LFNG: variants seen among roughly 807,000 people sequenced by gnomAD.
LFNG encodes beta-1,3-N-acetylglucosaminyltransferase lunatic fringe.
In LFNG, 15 loss-of-function variants were observed where a neutral mutation model predicts 32.7. The ratio of observed to expected loss-of-function variants is 0.46; its 90% CI spans 0.31 to 0.71. LFNG has a LOEUF of 0.71. Among genes scored for constraint, LFNG ranks in the 30% least tolerant of loss-of-function variants. The pLI, the probability that LFNG is intolerant of heterozygous loss-of-function variation, is 0.06. For synonymous variants in LFNG, 274 were observed against 246.8 expected (o/e 1.11, Z -1.03); for missense variants, 520 against 545.7 (o/e 0.95, Z 0.47).
At position 2,526,238 on chromosome 7, in the gene LFNG, C is replaced by A. The variant is rs781158080; in HGVS notation, c.822-6C>A. 8 of 1,612,628 alleles carry A rather than the reference C, an allele frequency of 5.0e-6. No homozygotes were observed. Among genetic ancestry groups the A allele is most frequent in the Admixed American group, 1.7e-5 (1 of 60,006 alleles). On this transcript the variant is annotated splice_polypyrimidine_tract_variant and splice_region_variant and intron_variant, in intron 5 of 7. Transcript: ENST00000222725. This position sits in a 1 kb window ranked among gnomAD's most constrained non-coding sequence, Gnocchi z 6.9. ...GCTCACTGGTCTGGGCCCTTCCCTC[C>A]CGCAGCGGGGGTCACTTCATGAATA... is the stretch of plus-strand genomic sequence containing the variant.
chr7:2,516,125 C>T (rs1779621526), upstream of LFNG, among the ~76,000 whole-genome samples: 1 of 152,242 alleles, frequency 6.6e-6, no homozygotes, highest in African/African-American at 2.4e-5. Context: ...ATTCCTGCGT[C>T]TGTGTCAGGA....
At chr7:2,524,223 T>G (rs2128376661) in intron 1 of LFNG, among the ~76,000 whole-genome samples, 1 of 152,282 alleles carries the variant, frequency 6.6e-6, no homozygotes, top group East Asian at 1.9e-4. Context: ...GAGACTTGGC[T>G]TCCCACAGCC....
chr7:2,518,471 A>C, upstream of LFNG: 1 of 832,778 alleles, frequency 1.2e-6, no homozygotes, highest in Non-Finnish European at 2.1e-6. Context: ...GCGGGGGGAG[A>C]GGGTCTGACA....
At chr7:2,522,572 G>GGCCCCC (rs1443170290) in intron 1 of LFNG, among the ~76,000 whole-genome samples, 19 of 151,600 alleles carry the variant, frequency 1.3e-4, no homozygotes, top group South Asian at 2.1e-4. Flanking sequence ...GGTGTCCCCC[G>GGCCCCC]GCCCCCGCCC....
chr7:2,513,428 AG>A (rs1562547914), upstream of LFNG: 3 of 1,313,168 alleles, frequency 2.3e-6, no homozygotes, highest in African/African-American at 1.5e-5. Context: ...GATCCTTTCA[AG>A]GGGGAAAGAT....
Position 2,520,173 on chromosome 7 carries a change from C to T in LFNG, c.312C>T (p.Arg104=), listed in dbSNP as rs552455490. Reference sequence around the variant, plus strand: ...CCCGCCCCGCCGACGGCCACCCGCGCCCCCTGGCCGAGCCGCTCGCGCCCC... The same window carrying T: ...CCCGCCCCGCCGACGGCCACCCGCGTCCCCTGGCCGAGCCGCTCGCGCCCC... ...AAPRPADGHP[R]PLAEPLAPRD... The change falls in exon 1 of 8, where the codon CGC becomes CGT. Residue 104 remains arginine (R), a synonymous_variant. Coordinates refer to ENST00000222725, the MANE Select transcript of LFNG (RefSeq NM_001040167.2). This position sits in a 1 kb window ranked among gnomAD's most constrained non-coding sequence, Gnocchi z 5.0. 145 of 1,551,648 alleles carry T rather than the reference C, an allele frequency of 9.3e-5. No homozygotes were observed. The African/African-American group carries it at 1.8e-3, about 19-fold the overall frequency.
chr7:2,520,394 T>G lies in LFNG; in HGVS notation c.432+101T>G. 3 of 1,100,734 alleles carry G rather than the reference T, an allele frequency of 2.7e-6. No individual in the cohort carries two copies. The highest frequency in any genetic ancestry group is 3.9e-6 in the Non-Finnish European group (3 of 770,830). 68.2% of individuals were successfully genotyped at this position (1,100,734 alleles called of 1,614,324 possible). On this transcript the variant is annotated intron_variant, in intron 1 of 7. Transcript: ENST00000222725. This position sits in a 1 kb window ranked among gnomAD's most constrained non-coding sequence, Gnocchi z 5.0. Reference sequence around the variant, plus strand: ...CCATGGGAGTCAGGCTGCATCCCCATCCAGCCACTAGGGCCATCTGTGGGC... The same window carrying G: ...CCATGGGAGTCAGGCTGCATCCCCAGCCAGCCACTAGGGCCATCTGTGGGC...
chr7:2,525,656 G>C, intron 4 of LFNG, 29 bp from the exon 5 acceptor site: 1 of 1,612,612 alleles, frequency 6.2e-7, no homozygotes, highest in Non-Finnish European at 8.5e-7. Context: ...CAGCGCCTGG[G>C]TCTCAGGACA....
Position 2,524,746 on chromosome 7 carries a change from G to A in LFNG, c.481+3G>A, listed in dbSNP as rs141008352. ...TGAGGCCCTGGCCAGGCACACGGGT[G>A]AGCCCTGGACTTGGGGCGGGAGGGG... On this transcript the variant is annotated splice_donor_region_variant and intron_variant, in intron 2 of 7. Coordinates refer to ENST00000222725, the MANE Select transcript of LFNG (RefSeq NM_001040167.2). The A allele has an allele frequency of 6.2e-4, 987 of 1,585,924 alleles. 8 individuals are homozygous for A. In the African/African-American group the frequency reaches 0.012, roughly 19 times the overall value.
chr7:2,514,854 T>TCATCTGTCCATCCATCCATCCATC (rs1779580692), upstream of LFNG, among the ~76,000 whole-genome samples: 1 of 72,500 alleles, frequency 1.4e-5, no homozygotes, highest in Non-Finnish European at 3.1e-5. Flanking sequence ...ATCCATCCAT[T>TCATCTGTCCATCCATCCATCCATC]CATCTGTCTA....
chr7:2,517,967 G>C (rs1013221403), upstream of LFNG: 2 of 1,104,376 alleles, frequency 1.8e-6, no homozygotes, highest in African/African-American at 3.3e-5. Flanking sequence ...TGGGTGGGAT[G>C]GGGGTGGAGG....
chr7:2,520,207 T>C lies in LFNG; in HGVS notation c.346T>C (p.Phe116Leu). The change falls in exon 1 of 8, where the codon TTC becomes CTC. Residue 116 changes from phenylalanine to leucine, a missense_variant. This residue lies in a region of LFNG where 360 missense variants were observed against 354.7 expected (regional missense o/e 1.01). Transcript: ENST00000222725. This position sits in a 1 kb window ranked among gnomAD's most constrained non-coding sequence, Gnocchi z 5.0. ...CGAGCCGCTCGCGCCCCGAGACGTC[T>C]TCATCGCTGTCAAGACCACCAAAAA... ...LAEPLAPRDV[F>L]IAVKTTKKFH... is the part of the protein sequence containing the mutation. 1 of 1,602,256 alleles carries C rather than the reference T, an allele frequency of 6.2e-7. No individual in the cohort carries two copies. The highest frequency in any genetic ancestry group is 8.5e-7 in the Non-Finnish European group (1 of 1,175,360).
chr7:2,528,414 G>A lies in LFNG; in HGVS notation c.*1202G>A. 1.0e-6 allele frequency: 1 copy of A among 988,978 alleles called. No individual in the cohort carries two copies. The highest frequency in any genetic ancestry group is 1.2e-6 in the Non-Finnish European group (1 of 831,726). The allele number at this position is 988,978 out of a possible 1,614,324, so 61.3% of individuals were successfully genotyped here. A position where few individuals can be genotyped will look rare whatever the true frequency, so the allele number is the denominator to read the frequency against. ...TGACGTCCTTTTGCTGTGAATAAAG[G>A]TGCTCTTTGCAGCAATCCTGGGGGT... On this transcript the variant is annotated 3_prime_UTR_variant, in exon 8 of 8. Transcript: ENST00000222725.
chr7:2,515,436 AG>A (rs1779606295), upstream of LFNG, among the ~76,000 whole-genome samples: 1 of 152,148 alleles, frequency 6.6e-6, no homozygotes, highest in South Asian at 2.1e-4. Flanking sequence ...GGATGGGGGT[AG>A]CAGAGGGGGA....
At chr7:2,529,163 T>C, downstream of LFNG, 1 of 298,444 alleles carries the variant, frequency 3.4e-6, no homozygotes, top group Non-Finnish European at 6.2e-6. This position sits in a 1 kb window ranked among gnomAD's most constrained non-coding sequence, Gnocchi z 4.2. Context: ...TCTGCGGTGC[T>C]TTTCCTTCCT....
chr7:2,528,248 T>C lies in LFNG; in HGVS notation c.*1036T>C, dbSNP rs1447993479. ...CATCCCTGCCCTCCTCCTGTGTAGC[T>C]GCCACCTCCCCGCTGGGCCCAGCAT... On this transcript the variant is annotated 3_prime_UTR_variant, in exon 8 of 8. Transcript: ENST00000222725. The C allele has an allele frequency of 4.1e-6, 4 of 985,956 alleles. No homozygotes were observed. The African/African-American group carries it at 7.0e-5, about 17-fold the overall frequency. The allele number at this position is 985,956 out of a possible 1,614,324, so 61.1% of individuals were successfully genotyped here. A position where few individuals can be genotyped will look rare whatever the true frequency, so the allele number is the denominator to read the frequency against.
intron 1 of LFNG, among the ~76,000 whole-genome samples, chr7:2,522,971 C>CAGTTCG (rs1053981110): frequency 3.9e-5 from 6 of 152,198 alleles, no homozygotes; most frequent in African/African-American, 1.4e-4. Context: ...TGTCGGGAGA[C>CAGTTCG]AGTTCGACCG....
At chr7:2,519,555 C>G (rs574070614), upstream of LFNG, among the ~76,000 whole-genome samples, 168 of 151,190 alleles carry the variant, frequency 1.1e-3, 2 homozygotes, top group African/African-American at 3.8e-3. Context: ...CAGGGGCTAC[C>G]CGGGGCGGGG....
chr7:2,520,101 G>A lies in LFNG; in HGVS notation c.240G>A (p.Leu80=). 7.4e-7 allele frequency: 1 copy of A among 1,342,454 alleles called. No individual in the cohort carries two copies. The highest frequency in any genetic ancestry group is 1.8e-5 in the South Asian group (1 of 56,696). The allele number at this position is 1,342,454 out of a possible 1,614,324, so 83.2% of individuals were successfully genotyped here. The change falls in exon 1 of 8, where the codon CTG becomes CTA. Residue 80 remains leucine, a synonymous_variant. Coordinates refer to ENST00000222725, the MANE Select transcript of LFNG (RefSeq NM_001040167.2). This position sits in a 1 kb window ranked among gnomAD's most constrained non-coding sequence, Gnocchi z 5.0. ...ACAGTCTGTCCGAGTACTTCAGCCTGCTCACCCGCGCGCGCAGAGATGCGG... is the reference window on the plus strand; with the variant it reads ...ACAGTCTGTCCGAGTACTTCAGCCTACTCACCCGCGCGCGCAGAGATGCGG... ...DVHSLSEYFS[L]LTRARRDAGP... is the part of the protein sequence containing the mutation.
Sources: gnomAD v4.1 joint callset for allele counts (sites outside exome capture counted in the v4.1 genomes callset) on GRCh38, gnomAD v4.1.1 for gene constraint, gnomAD v4.1.1 regional missense constraint, Gnocchi (gnomAD v3.1) non-coding constraint, MANE v1.5 for transcripts, NCBI Gene and HGNC (gene_info 2026-07-23, HGNC 2026-07-21) for gene names.